SPTAN1: variants seen among roughly 807,000 people sequenced by gnomAD.
SPTAN1 encodes spectrin alpha chain, non-erythrocytic 1.
A neutral mutation model predicts 331.3 loss-of-function variants in SPTAN1; 61 were observed. The ratio of observed to expected loss-of-function variants is 0.18; its 90% confidence interval spans 0.15 to 0.23. The LOEUF (loss-of-function observed/expected upper bound fraction) is 0.23, where lower values mean the gene tolerates loss of function less well. Ranked by LOEUF, SPTAN1 falls within the 10% of genes least tolerant of loss-of-function variation. SPTAN1 has a pLI of 1.00. For synonymous variants in SPTAN1, 1,153 were observed against 1,173.9 expected (o/e 0.98, Z 0.36); for missense variants, 2,043 against 3,147.9 (o/e 0.65, Z 8.40).
At chr9:128,605,710 G>A (rs933980772) in intron 31 of SPTAN1, among the ~76,000 whole-genome samples, 7 of 152,086 alleles carry the variant, frequency 4.6e-5, no homozygotes, top group African/African-American at 1.4e-4. Flanking sequence ...AATCAAAAAC[G>A]GCCAGGCACA....
At chr9:128,603,407 C>G in intron 27 of SPTAN1, 136 bp from the exon 28 acceptor site, 2 of 900,974 alleles carry the variant, frequency 2.2e-6, no homozygotes, top group South Asian at 2.6e-5. Context: ...ACTGATGTCT[C>G]TGTTAAGAAT....
At chr9:128,605,601 T>TG in intron 31 of SPTAN1, 124 bp downstream of exon 31, 3 of 1,299,452 alleles carry the variant, frequency 2.3e-6, no homozygotes, top group Non-Finnish European at 2.2e-6. Flanking sequence ...CCAAGCACTT[T>TG]GGGGGGCCAA....
intron 10 of SPTAN1, among the ~76,000 whole-genome samples, chr9:128,580,074 AG>A (rs1851753846): frequency 6.6e-6 from 1 of 152,100 alleles, no homozygotes; most frequent in African/African-American, 2.4e-5. Context: ...GCACTTTCAG[AG>A]GCCAAGGCAG....
chr9:128,632,599 G>A lies in SPTAN1; in HGVS notation c.7041G>A (p.Arg2347=), dbSNP rs1484212689. The A allele has an allele frequency of 1.2e-6, 2 of 1,614,072 alleles. No individual in the cohort carries two copies. The highest frequency in any genetic ancestry group is 1.7e-5 in the Admixed American group (1 of 60,024). ...ACTTTGACAAGGACAAGTCTGGCAG[G>A]CTGAACCATCAGGAGTTCAAATCTT... The part of the protein sequence containing the change: ...FKHFDKDKSG[R]LNHQEFKSCL... The change falls in exon 55 of 57, where the codon AGG becomes AGA. Residue 2347 remains arginine (R), a synonymous_variant. Coordinates refer to ENST00000372739, the MANE Select transcript of SPTAN1 (RefSeq NM_001130438.3).
At chr9:128,559,887 A>T (rs1849096925) in intron 1 of SPTAN1, among the ~76,000 whole-genome samples, 1 of 145,612 alleles carries the variant, frequency 6.9e-6, no homozygotes, top group East Asian at 2.1e-4. Context: ...GGCGTGCGCC[A>T]CTATGCTTGG....
rs1851436041 is a variant in SPTAN1 at position 128,577,482 on chromosome 9, A to G, written c.1061A>G (p.His354Arg). 6.2e-7 allele frequency: 1 copy of G among 1,614,094 alleles called. No individual in the cohort carries two copies. The highest frequency in any genetic ancestry group is 8.5e-7 in the Non-Finnish European group (1 of 1,180,038). The change falls in exon 8 of 57, where the codon CAT (histidine) becomes CGT (arginine). Residue 354 changes from histidine to arginine, a missense_variant. This residue lies in a region of SPTAN1 where 1,038 missense variants were observed against 1,531.5 expected (regional missense o/e 0.68). Transcript: ENST00000372739. The surrounding 1 kb of genome is among the most constrained non-coding windows in gnomAD (Gnocchi z 4.2). ...EQIRTLAAER[H>R]ARLNDSYRLQ... The stretch of plus-strand genomic sequence containing the variant: ...ATCCGCACCTTGGCGGCAGAGAGAC[A>G]TGCACGGCTCAATGATTCATACAGG...
chr9:128,579,227 T>C (rs1039646182), intron 9 of SPTAN1, among the ~76,000 whole-genome samples: 2 of 152,090 alleles, frequency 1.3e-5, no homozygotes, highest in East Asian at 1.9e-4. Context: ...CAAAACTGAT[T>C]TGGAAGAAAA....
Position 128,579,634 on chromosome 9 carries a change from T to C in SPTAN1, c.1222-3T>C. ...ATCATGGCTTTGTTTTTTTCTCCTG[T>C]AGGGTGAAATTGATGCCCATGAAGA... On this transcript the variant is annotated splice_region_variant and splice_polypyrimidine_tract_variant and intron_variant, in intron 9 of 56. Coordinates refer to ENST00000372739, the MANE Select transcript of SPTAN1 (RefSeq NM_001130438.3). 6.2e-7 allele frequency: 1 copy of C among 1,613,144 alleles called. No individual in the cohort carries two copies.
chr9:128,612,304 T>G, intron 39 of SPTAN1, 58 bp downstream of exon 39: 1 of 1,611,318 alleles, frequency 6.2e-7, no homozygotes, highest in Non-Finnish European at 8.5e-7. Flanking sequence ...TTTGGCACAG[T>G]GGGTCCATCA....
chr9:128,560,235 C>A (rs765271749), intron 1 of SPTAN1, among the ~76,000 whole-genome samples: 1 of 151,928 alleles, frequency 6.6e-6, no homozygotes, highest in Non-Finnish European at 1.5e-5. Context: ...AGGCGCACGC[C>A]GCCACACCTG....
chr9:128,566,648 A>T (rs1295556415), intron 1 of SPTAN1, 90 bp from the exon 2 acceptor site: 25 of 1,576,944 alleles, frequency 1.6e-5, no homozygotes, highest in Non-Finnish European at 2.0e-5. Context: ...GGTTTATCTG[A>T]TAATTATTTC....
At chr9:128,554,786 G>C (rs1304521346) in intron 1 of SPTAN1, among the ~76,000 whole-genome samples, 1 of 152,240 alleles carries the variant, frequency 6.6e-6, no homozygotes, top group Non-Finnish European at 1.5e-5. Context: ...GGGGCCACTT[G>C]ACTGGAGCAG....
At chr9:128,622,946 T>G (rs1164041448) in intron 45 of SPTAN1, among the ~76,000 whole-genome samples, 1 of 151,802 alleles carries the variant, frequency 6.6e-6, no homozygotes, top group Non-Finnish European at 1.5e-5. Flanking sequence ...AGAGATGGGG[T>G]TTCACCATGT....
At position 128,627,917 on chromosome 9, in the gene SPTAN1, C is replaced by T. The variant is rs1281926611; in HGVS notation, c.6690-8C>T. 1.9e-6 allele frequency: 3 copies of T among 1,614,200 alleles called. No homozygotes were observed. Among genetic ancestry groups the T allele is most frequent in the Middle Eastern group, 1.7e-4 (1 of 6,060 alleles). On this transcript the variant is annotated splice_polypyrimidine_tract_variant and splice_region_variant and intron_variant, in intron 50 of 56. Coordinates refer to ENST00000372739, the MANE Select transcript of SPTAN1 (RefSeq NM_001130438.3). This position sits in a 1 kb window ranked among gnomAD's most constrained non-coding sequence, Gnocchi z 4.9. Reference sequence around the variant, plus strand: ...TGTCTCCCGGCTGCTTGGATCTGCTCTCCACAGGACATACCTCCTCGATGG... The same window carrying T: ...TGTCTCCCGGCTGCTTGGATCTGCTTTCCACAGGACATACCTCCTCGATGG...
chr9:128,568,552 C>T (rs1850300428), intron 2 of SPTAN1, among the ~76,000 whole-genome samples: 1 of 152,148 alleles, frequency 6.6e-6, no homozygotes, highest in African/African-American at 2.4e-5. Context: ...TGAGTGAGGA[C>T]CATTGATGGC....
intron 23 of SPTAN1, 196 bp downstream of exon 23, chr9:128,593,238 C>A: frequency 1.5e-6 from 1 of 663,848 alleles, no homozygotes; most frequent in Non-Finnish European, 2.7e-6. Context: ...CTGCTTATCT[C>A]ATTGGTTGCT....
At position 128,627,291 on chromosome 9, in the gene SPTAN1, T is replaced by C. The variant is rs1858917295; in HGVS notation, c.6577-95T>C. ...CTCTCATCTTTGGGGAGGTTCCTTG[T>C]GGGGAGGCCACCACCACCCTGAGCC... On this transcript the variant is annotated intron_variant, in intron 49 of 56. Coordinates refer to ENST00000372739, the MANE Select transcript of SPTAN1 (RefSeq NM_001130438.3). This position sits in a 1 kb window ranked among gnomAD's most constrained non-coding sequence, Gnocchi z 4.9. The C allele has an allele frequency of 4.5e-6, 5 of 1,108,776 alleles. No homozygotes were observed. In the Admixed American group the frequency reaches 6.2e-5, roughly 14 times the overall value. 68.7% of individuals were successfully genotyped at this position (1,108,776 alleles called of 1,614,324 possible).
intron 1 of SPTAN1, among the ~76,000 whole-genome samples, chr9:128,563,321 C>T (rs4560891): frequency 0.97 from 147,799 of 152,012 alleles, 71,996 homozygotes; most frequent in East Asian, 1. Flanking sequence ...GAGGCTGAGG[C>T]GGGAGGATCG....
chr9:128,612,316 T>C, intron 39 of SPTAN1, 70 bp downstream of exon 39: 1 of 1,603,622 alleles, frequency 6.2e-7, no homozygotes, highest in Non-Finnish European at 8.5e-7. Flanking sequence ...GGTCCATCAG[T>C]GCCCAAAACC....
Sources: allele counts gnomAD v4.1 joint callset (sites outside exome capture counted in the v4.1 genomes callset), GRCh38; gene constraint gnomAD v4.1.1; regional missense constraint gnomAD v4.1.1; non-coding constraint Gnocchi (gnomAD v3.1); transcripts MANE v1.5; gene names NCBI Gene and HGNC (gene_info 2026-07-23, HGNC 2026-07-21).